The following PCCA variants were observed in gnomAD, a reference collection of about 807,000 sequenced individuals.
PCCA encodes the protein propionyl-CoA carboxylase subunit alpha.
A neutral mutation model predicts 101.3 loss-of-function variants in PCCA; 74 were observed. The ratio of observed to expected loss-of-function variants is 0.73; its 90% confidence interval spans 0.61 to 0.89. PCCA has a LOEUF of 0.89. Ranked by LOEUF, PCCA falls within the 40% of genes least tolerant of loss-of-function variation. The pLI is 0.00. For missense variants in PCCA, 891 were observed against 907.0 expected, an observed-to-expected ratio of 0.98 and a Z score of 0.23; for synonymous variants, 294 against 313.6, an observed-to-expected ratio of 0.94 and a Z score of 0.66.
At chr13:100,369,333 A>G (rs551749810) in intron 19 of PCCA, among the ~76,000 whole-genome samples, 2 of 152,330 alleles carry the variant, frequency 1.3e-5, no homozygotes, top group African/African-American at 4.8e-5. Flanking sequence ...TTGGGGAAAC[A>G]AGTGAATTTT....
At chr13:100,339,672 A>T (rs2071015771) in intron 17 of PCCA, among the ~76,000 whole-genome samples, 1 of 152,208 alleles carries the variant, frequency 6.6e-6, no homozygotes, top group African/African-American at 2.4e-5. Flanking sequence ...CAGAAGAATC[A>T]CGGCGTGATA....
At chr13:100,263,942 T>G (rs148135621) in intron 10 of PCCA, among the ~76,000 whole-genome samples, 3,350 of 147,740 alleles carry the variant, frequency 0.023, 128 homozygotes, top group African/African-American at 0.062. Flanking sequence ...GTATGTCATA[T>G]ATACGGTATC....
chr13:100,501,111 A>G (rs958420939), intron 21 of PCCA, among the ~76,000 whole-genome samples: 1 of 152,186 alleles, frequency 6.6e-6, no homozygotes, highest in African/African-American at 2.4e-5. Flanking sequence ...AGATCATGCC[A>G]CTGCATTCCA....
chr13:100,262,856 C>T (rs765302315), intron 10 of PCCA, 25 bp downstream of exon 10: 14 of 891,106 alleles, frequency 1.6e-5, no homozygotes, highest in Non-Finnish European at 2.6e-5. Flanking sequence ...GATGCTTTTT[C>T]ATTATTATTT....
chr13:100,226,759 T>A (rs972447641), intron 7 of PCCA, among the ~76,000 whole-genome samples: 31 of 152,110 alleles, frequency 2.0e-4, no homozygotes, highest in African/African-American at 7.0e-4. Flanking sequence ...AACATGGTAG[T>A]TTGGGGTGGC....
chr13:100,252,106 G>C (rs1374794930), intron 8 of PCCA, among the ~76,000 whole-genome samples: 1 of 152,166 alleles, frequency 6.6e-6, no homozygotes, highest in African/African-American at 2.4e-5. Context: ...ACTTTCATCT[G>C]GGGATTTCCT....
At chr13:100,105,844 CAAAAAAAAAAAAAAA>C (rs71114671) in intron 2 of PCCA, among the ~76,000 whole-genome samples, 3 of 62,508 alleles carry the variant, frequency 4.8e-5, no homozygotes, top group Admixed American at 2.6e-4. Context: ...GATCCTGTCT[CAAAAAAAAAAAAAAA>C]AAAAAAAAAA....
At chr13:100,117,163 G>A (rs995349588) in intron 4 of PCCA, among the ~76,000 whole-genome samples, 3 of 152,088 alleles carry the variant, frequency 2.0e-5, no homozygotes, top group Non-Finnish European at 4.4e-5. Flanking sequence ...GAAGCAGTAT[G>A]TCATTGTGTT....
At chr13:100,111,278 A>G (rs578070774) in intron 2 of PCCA, among the ~76,000 whole-genome samples, 2 of 135,006 alleles carry the variant, frequency 1.5e-5, no homozygotes, top group African/African-American at 5.7e-5. Flanking sequence ...TGATCCACCC[A>G]CCTTGGCCTC....
chr13:100,510,365 A>T lies in PCCA; in HGVS notation c.1900-5062A>T, dbSNP rs1001109062. Among the ~76,000 whole-genome samples the T allele has an allele frequency of 6.6e-5, 10 of 152,230 alleles. No individual in the cohort carries two copies. The East Asian group carries it at 1.9e-3, about 29-fold the overall frequency. On this transcript the variant is annotated intron_variant, in intron 21 of 23. Transcript: ENST00000376285. The stretch of plus-strand genomic sequence containing the variant: ...TTAGAGGTAATGGTACACAATTAAC[A>T]TCTCATTCCACCATAAAGGGTATGC...
intron 6 of PCCA, among the ~76,000 whole-genome samples, chr13:100,193,029 G>A (rs1404356292): frequency 6.6e-6 from 1 of 152,176 alleles, no homozygotes; most frequent in Admixed American, 6.5e-5. Context: ...ACGCTAATCA[G>A]ATAGGACACC....
intron 23 of PCCA, 29 bp downstream of exon 23, chr13:100,527,781 G>A: frequency 6.5e-7 from 1 of 1,543,956 alleles, no homozygotes; most frequent in South Asian, 1.1e-5. Flanking sequence ...ATCAGCCCAG[G>A]CCGGCCCTGT....
chr13:100,248,840 G>A (rs760292169), intron 8 of PCCA, among the ~76,000 whole-genome samples: 4 of 152,076 alleles, frequency 2.6e-5, no homozygotes, highest in African/African-American at 4.8e-5. Context: ...TCCGCCTCCC[G>A]GGTTCAAGTG....
At chr13:100,142,421 C>T (rs1566565131) in intron 4 of PCCA, among the ~76,000 whole-genome samples, 1 of 151,838 alleles carries the variant, frequency 6.6e-6, no homozygotes, top group Admixed American at 6.6e-5. Context: ...AATTTAGTTC[C>T]AGAAATTAAA....
rs1475493855 is a variant in PCCA, at chr13:100,304,320, C to A, written c.1284+1322C>A. Among the ~76,000 whole-genome samples the A allele has an allele frequency of 3.3e-5, 5 of 152,292 alleles. No individual in the cohort carries two copies. The East Asian group carries it at 5.8e-4, about 18-fold the overall frequency. Reference sequence around the variant, plus strand: ...GAATGTTGCATGTCAGCTAAATGGACCAAGGAGTAGATAAAGTGATTGGGT... The same window carrying A: ...GAATGTTGCATGTCAGCTAAATGGAACAAGGAGTAGATAAAGTGATTGGGT... On this transcript the variant is annotated intron_variant, in intron 14 of 23. Transcript: ENST00000376285.
chr13:100,214,700 A>G (rs2059417868), intron 7 of PCCA, among the ~76,000 whole-genome samples: 1 of 152,196 alleles, frequency 6.6e-6, no homozygotes, highest in Non-Finnish European at 1.5e-5. Context: ...TGCTGGGATT[A>G]CAGGCATGAG....
intron 4 of PCCA, among the ~76,000 whole-genome samples, chr13:100,153,308 A>G (rs191007364): frequency 1.1e-4 from 17 of 152,310 alleles, no homozygotes; most frequent in Admixed American, 9.1e-4. Flanking sequence ...TGTTGGGTAG[A>G]TGAGATTATA....
intron 4 of PCCA, among the ~76,000 whole-genome samples, chr13:100,117,432 ATTT>A (rs36122017): frequency 2.1e-5 from 3 of 145,574 alleles, no homozygotes. Context: ...GTGTGTGTGC[ATTT>A]TTTTTTTTTT....
intron 6 of PCCA, among the ~76,000 whole-genome samples, chr13:100,162,162 CTCTT>C (rs900373628): frequency 1.3e-5 from 2 of 151,760 alleles, no homozygotes; most frequent in African/African-American, 4.8e-5. Context: ...TTGTAAGATA[CTCTT>C]AGTTGCTTAA....
Sources: gnomAD v4.1 joint callset for allele counts (sites outside exome capture counted in the v4.1 genomes callset) on GRCh38, gnomAD v4.1.1 for gene constraint, MANE v1.5 for transcripts, NCBI Gene and HGNC (gene_info 2026-07-23, HGNC 2026-07-21) for gene names.